The following DOCK7 variants were observed in gnomAD, a reference collection of about 807,000 sequenced individuals.
DOCK7 encodes the protein dedicator of cytokinesis 7.
DOCK7 carries 138 observed loss-of-function variants against 271.0 expected under a neutral mutation model. The observed-to-expected ratio is 0.51, with a 90% confidence interval of 0.44 to 0.59. The LOEUF (loss-of-function observed/expected upper bound fraction) is 0.59. Ranked by LOEUF, DOCK7 falls within the 20% of genes least tolerant of loss-of-function variation. The probability of loss-of-function intolerance (pLI) is 0.00; values close to 1 mark genes in which losing one functional copy is unlikely to be tolerated. For synonymous variants in DOCK7, 823 were observed against 876.1 expected, an observed-to-expected ratio of 0.94 and a Z score of 1.07; for missense variants, 2,066 against 2,592.4, an observed-to-expected ratio of 0.80 and a Z score of 4.41.
chr1:62,538,022 G>C lies in DOCK7; in HGVS notation c.3340C>G (p.Leu1114Val). Residue 1114 changes from leucine to valine, a missense_variant, in exon 28 of 50, where the codon CTG (leucine) becomes GTG (valine). Coordinates refer to ENST00000635253, the MANE Select transcript of DOCK7 (RefSeq NM_001367561.1). ...KLYSLPNPSV[L>V]VSLRLDFLRI... ...AGAAAATCCAGCCTCAAGGACACCA[G>C]AACACTGGGATTCGGTAATGAGTAA... 1.2e-6 allele frequency: 2 copies of C among 1,613,994 alleles called. No individual in the cohort carries two copies. Among genetic ancestry groups the C allele is most frequent in the African/African-American group, 1.3e-5 (1 of 75,046 alleles).
At chr1:62,620,928 G>T (rs1193599005) in intron 12 of DOCK7, among the ~76,000 whole-genome samples, 1 of 147,914 alleles carries the variant, frequency 6.8e-6, no homozygotes, top group African/African-American at 2.5e-5. Flanking sequence ...ATACAAGTTA[G>T]AGATAGATGA....
Position 62,475,349 on chromosome 1 carries a change from G to A in DOCK7, c.5964C>T (p.Ile1988=), listed in dbSNP as rs2149258796. The part of the protein sequence containing the change: ...TRVNVTHKEE[I]ILTPIEVAIE... ...TAGCAACTTCAATTGGTGTTAAGAT[G>A]ATCTGAGTAAAAGAGCATCTGTTAA... Residue 1988 remains isoleucine (I), a splice_region_variant and synonymous_variant, in exon 47 of 50, where the codon ATC becomes ATT. Transcript: ENST00000635253. 3 of 1,613,572 alleles carry A rather than the reference G, an allele frequency of 1.9e-6. No individual in the cohort carries two copies. Among genetic ancestry groups the A allele is most frequent in the Non-Finnish European group, 2.5e-6 (3 of 1,179,822 alleles).
At chr1:62,462,771 A>ATT (rs561950171) in intron 48 of DOCK7, among the ~76,000 whole-genome samples, 5 of 148,348 alleles carry the variant, frequency 3.4e-5, no homozygotes, top group African/African-American at 9.8e-5. Context: ...TTGCAAATGG[A>ATT]TTTTTTTTTT....
intron 1 of DOCK7, among the ~76,000 whole-genome samples, chr1:62,664,461 T>C (rs969713297): frequency 3.9e-5 from 6 of 152,164 alleles, no homozygotes; most frequent in African/African-American, 1.4e-4. Flanking sequence ...TCTTCTGCCA[T>C]GATTGTGAGG....
chr1:62,563,863 CAAAAAAAAAAAAAAAAAAAAAAAAAA>C (rs71045848), intron 18 of DOCK7, among the ~76,000 whole-genome samples: 39 of 38,818 alleles, frequency 1.0e-3, no homozygotes, highest in African/African-American at 3.5e-3. Flanking sequence ...ATTTACCAAG[CAAAAAAAAAAAAAAAAAAAAAAAAAA>C]AAAAAAAAAA....
chr1:62,648,599 C>G, intron 4 of DOCK7, 55 bp from the exon 5 acceptor site: 1 of 1,044,458 alleles, frequency 9.6e-7, no homozygotes, highest in Non-Finnish European at 1.3e-6. Context: ...GGAATTTTTT[C>G]ACTTTTTGGG....
chr1:62,470,709 G>A (rs368086823), intron 48 of DOCK7, among the ~76,000 whole-genome samples: 8 of 152,170 alleles, frequency 5.3e-5, no homozygotes, highest in Non-Finnish European at 7.4e-5. Flanking sequence ...CAGAAGAATC[G>A]CTTGAACCCA....
intron 1 of DOCK7, among the ~76,000 whole-genome samples, chr1:62,684,949 A>G (rs1661565845): frequency 6.6e-6 from 1 of 152,256 alleles, no homozygotes; most frequent in Non-Finnish European, 1.5e-5. Context: ...TTTTTAAAGT[A>G]TAGGTTTCTG....
At chr1:62,495,884 T>C (rs1459138890) in intron 38 of DOCK7, 2 of 438,766 alleles carry the variant, frequency 4.6e-6, no homozygotes, top group East Asian at 4.0e-5. Context: ...CAGCAGACTA[T>C]GTTTATTTTT....
chr1:62,630,304 T>C (rs964195885), intron 11 of DOCK7, among the ~76,000 whole-genome samples: 5 of 152,138 alleles, frequency 3.3e-5, no homozygotes, highest in Non-Finnish European at 7.4e-5. Flanking sequence ...CTACATAAAC[T>C]GCATGCTTTT....
In DOCK7 at chr1:62,602,343, G is replaced by A. The variant is rs781130657; in HGVS notation, c.1683-15719C>T. 1.6e-5 allele frequency: 25 copies of A among 1,610,734 alleles called. No individual in the cohort carries two copies. Among genetic ancestry groups the A allele is most frequent in the African/African-American group, 9.4e-5 (7 of 74,780 alleles). On this transcript the variant is annotated intron_variant, in intron 14 of 49. Transcript: ENST00000635253. ...ATGGATCACAAAACTTCAATGAAACGTGGGAGAACTACAAATATGGTTTTG... is the reference window on the plus strand; with the variant it reads ...ATGGATCACAAAACTTCAATGAAACATGGGAGAACTACAAATATGGTTTTG...
intron 17 of DOCK7, among the ~76,000 whole-genome samples, chr1:62,578,015 C>T (rs937240397): frequency 6.6e-6 from 1 of 152,052 alleles, no homozygotes; most frequent in African/African-American, 2.4e-5. Context: ...CCTCTGCCTC[C>T]CGGGCTCAAG....
At chr1:62,602,173 T>C in intron 14 of DOCK7, 1 of 867,292 alleles carries the variant, frequency 1.2e-6, no homozygotes, top group Non-Finnish European at 1.8e-6. Context: ...GCCATAACAT[T>C]AATAAACTAC....
At chr1:62,510,815 A>G in intron 33 of DOCK7, 142 bp from the exon 34 acceptor site, 4 of 521,666 alleles carry the variant, frequency 7.7e-6, no homozygotes, top group Non-Finnish European at 1.3e-5. Flanking sequence ...AAACCTGACA[A>G]TGGTGCTTTT....
intron 18 of DOCK7, among the ~76,000 whole-genome samples, chr1:62,565,769 T>A (rs958843906): frequency 3.3e-5 from 5 of 152,008 alleles, no homozygotes; most frequent in African/African-American, 1.2e-4. Context: ...GAAGTCAAAT[T>A]GTCTCTGCAG....
chr1:62,552,728 T>A lies in DOCK7; in HGVS notation c.2766+4A>T. On this transcript the variant is annotated splice_donor_region_variant and intron_variant, in intron 22 of 49. Transcript: ENST00000635253. ...AAATTTACAGATGCATGTCTTCAGT[T>A]TACCTTACTCCCGATGATTGATCGA... 6.2e-7 allele frequency: 1 copy of A among 1,601,090 alleles called. No homozygotes were observed. Among genetic ancestry groups the A allele is most frequent in the Non-Finnish European group, 8.5e-7 (1 of 1,171,750 alleles).
chr1:62,646,155 CA>C (rs58296142), intron 7 of DOCK7, among the ~76,000 whole-genome samples: 66,875 of 110,946 alleles, frequency 0.6, 16,538 homozygotes, highest in East Asian at 0.73. Flanking sequence ...GACTCCGTCT[CA>C]AAAAAAAAAA....
rs184479784 is a variant in DOCK7, at chr1:62,485,334, G to A, written c.5508+2064C>T. On this transcript the variant is annotated intron_variant, in intron 43 of 49. Coordinates refer to ENST00000635253, the MANE Select transcript of DOCK7 (RefSeq NM_001367561.1). ...CTTTACTGAAATACTAAGTTTTAGA[G>A]TTATCTTTCACACACACACACACAC... The A allele has an allele frequency of 2.0e-5, 20 of 985,166 alleles. No homozygotes were observed. In the African/African-American group the frequency reaches 3.3e-4, roughly 16 times the overall value. The allele number at this position is 985,166 out of a possible 1,614,324, so 61.0% of individuals were successfully genotyped here. A position where few individuals can be genotyped will look rare whatever the true frequency, so the allele number is the denominator to read the frequency against.
At chr1:62,467,702 T>C (rs796590139) in intron 48 of DOCK7, among the ~76,000 whole-genome samples, 6 of 152,204 alleles carry the variant, frequency 3.9e-5, no homozygotes, top group African/African-American at 1.4e-4. Flanking sequence ...ACCAATCCTA[T>C]TGACATTATT....
Sources: gnomAD v4.1 joint callset for allele counts (sites outside exome capture counted in the v4.1 genomes callset) on GRCh38, gnomAD v4.1.1 for gene constraint, MANE v1.5 for transcripts, NCBI Gene and HGNC (gene_info 2026-07-23, HGNC 2026-07-21) for gene names.